CTNNA1: variants seen among roughly 807,000 people sequenced by gnomAD.
The protein encoded by CTNNA1 is catenin alpha 1.
In CTNNA1, 37 loss-of-function variants were observed where a neutral mutation model predicts 98.4. The ratio of observed to expected loss-of-function variants is 0.38; its 90% CI spans 0.29 to 0.49. The LOEUF (loss-of-function observed/expected upper bound fraction) is 0.49. CTNNA1 is among the 20% of genes least tolerant of loss of function. The probability of loss-of-function intolerance (pLI) is 0.95; values close to 1 mark genes in which losing one functional copy is unlikely to be tolerated. For missense variants in CTNNA1, 761 were observed against 1,147.2 expected (o/e 0.66, Z 4.86); for synonymous variants, 404 against 413.2 (o/e 0.98, Z 0.27).
At chr5:138,892,330 T>TG in intron 9 of CTNNA1, among the ~76,000 whole-genome samples, 1 of 58,594 alleles carries the variant, frequency 1.7e-5, no homozygotes, top group East Asian at 2.5e-4. Context: ...ATAGCTTAGT[T>TG]TTTTTTTTTT....
chr5:138,881,656 C>G (rs193006734), intron 7 of CTNNA1, among the ~76,000 whole-genome samples: 14 of 152,296 alleles, frequency 9.2e-5, no homozygotes, highest in African/African-American at 3.4e-4. Flanking sequence ...TATTGAAGGT[C>G]CCTACTGTAT....
chr5:138,856,641 C>G (rs1311839381), intron 7 of CTNNA1, among the ~76,000 whole-genome samples: 1 of 152,158 alleles, frequency 6.6e-6, no homozygotes, highest in Non-Finnish European at 1.5e-5. Flanking sequence ...TGTGCCTGGC[C>G]TGCATTTCTG....
intron 7 of CTNNA1, among the ~76,000 whole-genome samples, chr5:138,882,926 T>G (rs565370477): frequency 2.0e-5 from 3 of 152,228 alleles, no homozygotes; most frequent in Non-Finnish European, 4.4e-5. Context: ...CCTCCCGGGT[T>G]CAAGGGATTC....
chr5:138,832,161 G>A (rs931735457), intron 7 of CTNNA1, among the ~76,000 whole-genome samples: 1 of 152,180 alleles, frequency 6.6e-6, no homozygotes, highest in Admixed American at 6.5e-5. Flanking sequence ...AGTTTCCAAG[G>A]GTCAGGAGGC....
At chr5:138,757,033 TA>T (rs879499200) in intron 1 of CTNNA1, among the ~76,000 whole-genome samples, 4,590 of 141,988 alleles carry the variant, frequency 0.032, 76 homozygotes, top group African/African-American at 0.048. Flanking sequence ...ACCCCGCCTC[TA>T]AAAAAAAAAA....
intron 6 of CTNNA1, 136 bp downstream of exon 6, chr5:138,824,935 T>G (rs567778622): frequency 2.9e-4 from 229 of 787,002 alleles, no homozygotes; most frequent in Middle Eastern, 1.7e-3. Context: ...CAAAAGAAAT[T>G]ATGAATCATC....
chr5:138,859,017 C>G (rs758210224), intron 7 of CTNNA1, among the ~76,000 whole-genome samples: 1 of 152,214 alleles, frequency 6.6e-6, no homozygotes, highest in Non-Finnish European at 1.5e-5. Context: ...GACTTGAGAA[C>G]AGGGCCATCT....
intron 1 of CTNNA1, among the ~76,000 whole-genome samples, chr5:138,760,033 C>T (rs1485316652): frequency 4.6e-5 from 6 of 129,232 alleles, no homozygotes; most frequent in South Asian, 2.5e-4. Flanking sequence ...TCACTCTTGT[C>T]GCCCAGGCTG....
intron 3 of CTNNA1, among the ~76,000 whole-genome samples, chr5:138,800,039 A>G (rs1757403871): frequency 6.6e-6 from 1 of 152,044 alleles, no homozygotes; most frequent in Non-Finnish European, 1.5e-5. Flanking sequence ...TGGGATTACA[A>G]GTGCTCGCCA....
chr5:138,800,735 G>A (rs538747201), intron 3 of CTNNA1, among the ~76,000 whole-genome samples: 2 of 152,154 alleles, frequency 1.3e-5, no homozygotes, highest in Non-Finnish European at 2.9e-5. Flanking sequence ...CCTGGGAGAC[G>A]GAGGTTGCAG....
At chr5:138,831,581 T>G (rs6421921) in intron 7 of CTNNA1, among the ~76,000 whole-genome samples, 103,319 of 152,018 alleles carry the variant, frequency 0.68, 35,356 homozygotes, top group East Asian at 0.93. Context: ...TATGTAAACC[T>G]AATCTACTCT....
At chr5:138,764,868 CTTTTTTTTTTT>C (rs35354499) in intron 1 of CTNNA1, among the ~76,000 whole-genome samples, 2 of 84,940 alleles carry the variant, frequency 2.4e-5, no homozygotes, top group East Asian at 4.1e-4. Flanking sequence ...GTATCTCTCT[CTTTTTTTTTTT>C]TTTTTTTTTT....
At chr5:138,916,796 A>G (rs746490050) in intron 10 of CTNNA1, among the ~76,000 whole-genome samples, 1 of 150,386 alleles carries the variant, frequency 6.6e-6, no homozygotes, top group African/African-American at 2.5e-5. Context: ...TTTTGAGACA[A>G]CAAGTTTCAC....
intron 5 of CTNNA1, among the ~76,000 whole-genome samples, chr5:138,816,225 T>C (rs1759423129): frequency 6.6e-6 from 1 of 152,256 alleles, no homozygotes; most frequent in Non-Finnish European, 1.5e-5. Flanking sequence ...GAATTTTGTC[T>C]TTTTTAAATG....
At chr5:138,788,158 A>C (rs1755924985) in intron 3 of CTNNA1, among the ~76,000 whole-genome samples, 1 of 152,170 alleles carries the variant, frequency 6.6e-6, no homozygotes, top group African/African-American at 2.4e-5. Context: ...CTTAGCGCTT[A>C]TCACAGTGGT....
intron 1 of CTNNA1, among the ~76,000 whole-genome samples, chr5:138,777,842 A>C: frequency 7.2e-6 from 1 of 139,476 alleles, no homozygotes; most frequent in African/African-American, 2.7e-5. Context: ...TCAGTGGGAG[A>C]CCGTGGAAAG....
intron 3 of CTNNA1, among the ~76,000 whole-genome samples, chr5:138,801,504 A>T (rs1264191341): frequency 6.6e-6 from 1 of 152,256 alleles, no homozygotes; most frequent in Non-Finnish European, 1.5e-5. Flanking sequence ...ACGTATAAAT[A>T]AACCCATGCA....
Position 138,824,472 on chromosome 5 carries a change from A to G in CTNNA1, c.589-58A>G, listed in dbSNP as rs1760427640. On this transcript the variant is annotated intron_variant, in intron 5 of 17. Coordinates refer to ENST00000302763, the MANE Select transcript of CTNNA1 (RefSeq NM_001903.5). ...TTTCAGCATTTACCAGCAAATTTTT[A>G]TATGAGTAAAGCCCATATAAAGAGT... 1.9e-6 allele frequency: 3 copies of G among 1,547,190 alleles called. No homozygotes were observed. In the South Asian group the frequency reaches 3.6e-5, roughly 19 times the overall value.
intron 6 of CTNNA1, among the ~76,000 whole-genome samples, chr5:138,825,391 AC>A (rs1760558927): frequency 6.6e-6 from 1 of 151,762 alleles, no homozygotes; most frequent in Admixed American, 6.6e-5. Flanking sequence ...TCCTGTGTAC[AC>A]AACTCTTAAG....
Sources: gnomAD v4.1 joint callset for allele counts (sites outside exome capture counted in the v4.1 genomes callset) on GRCh38, gnomAD v4.1.1 for gene constraint, MANE v1.5 for transcripts, NCBI Gene and HGNC (gene_info 2026-07-23, HGNC 2026-07-21) for gene names.